AGBL4: variants seen among roughly 807,000 people sequenced by gnomAD.
AGBL4 encodes the protein AGBL carboxypeptidase 4.
Under a neutral mutation model 66.4 loss-of-function variants are expected in AGBL4, and 58 were observed. The ratio of observed to expected loss-of-function variants is 0.87; its 90% CI spans 0.71 to 1.09. The LOEUF (loss-of-function observed/expected upper bound fraction) is 1.09. AGBL4 is among the 50% of genes least tolerant of loss of function. AGBL4 has a pLI of 0.00. For missense variants in AGBL4, 579 were observed against 631.0 expected, an observed-to-expected ratio of 0.92 and a Z score of 0.88; for synonymous variants, 234 against 222.9, an observed-to-expected ratio of 1.05 and a Z score of -0.44.
At chr1:49,166,547 C>T (rs1425688423) in intron 4 of AGBL4, among the ~76,000 whole-genome samples, 1 of 152,118 alleles carries the variant, frequency 6.6e-6, no homozygotes, top group Non-Finnish European at 1.5e-5. Context: ...TTGTAGAAAA[C>T]TTTGCATGGT....
intron 3 of AGBL4, among the ~76,000 whole-genome samples, chr1:49,449,341 G>A (rs1646227520): frequency 6.6e-6 from 1 of 152,030 alleles, no homozygotes; most frequent in African/African-American, 2.4e-5. Context: ...AGTGGTCACA[G>A]TGATATCTGA....
intron 3 of AGBL4, among the ~76,000 whole-genome samples, chr1:49,540,573 T>A (rs939792609): frequency 6.6e-6 from 1 of 152,162 alleles, no homozygotes; most frequent in African/African-American, 2.4e-5. Context: ...AAATGTTTGT[T>A]AAAAGCATAA....
At position 49,523,876 on chromosome 1, in the gene AGBL4, C is replaced by A. The variant is rs140557305; in HGVS notation, c.282+173437G>T. 8.0e-3 allele frequency among the ~76,000 whole-genome samples: 1,211 copies of A among 152,094 alleles called. 49 individuals are homozygous for A. The highest frequency in any genetic ancestry group is 0.059 in the Admixed American group (896 of 15,282). Reference sequence around the variant, plus strand: ...CATGCCTGTCTTTCCAATATCTATACCCACAATGGCTAGCCAAGTGCCAAA... The same window carrying A: ...CATGCCTGTCTTTCCAATATCTATAACCACAATGGCTAGCCAAGTGCCAAA... On this transcript the variant is annotated intron_variant, in intron 3 of 13. Coordinates refer to ENST00000371839, the MANE Select transcript of AGBL4 (RefSeq NM_032785.4).
intron 4 of AGBL4, among the ~76,000 whole-genome samples, chr1:49,238,865 C>T (rs933853508): frequency 6.6e-6 from 1 of 152,092 alleles, no homozygotes; most frequent in Non-Finnish European, 1.5e-5. Context: ...TTTTGGCATA[C>T]ATGTGGCAAA....
At chr1:49,709,448 G>T (rs1162299994) in intron 2 of AGBL4, among the ~76,000 whole-genome samples, 1 of 152,204 alleles carries the variant, frequency 6.6e-6, no homozygotes, top group African/African-American at 2.4e-5. Flanking sequence ...AGATTGCTCT[G>T]TTGGCAGCGA....
At chr1:49,950,009 T>TACACAC (rs371624252) in intron 1 of AGBL4, among the ~76,000 whole-genome samples, 25,556 of 102,632 alleles carry the variant, frequency 0.25, 2,902 homozygotes, top group East Asian at 0.47. Context: ...TATATATATA[T>TACACAC]ACACACACAT....
chr1:48,903,625 C>T (rs1479418542), intron 5 of AGBL4, among the ~76,000 whole-genome samples: 1 of 152,214 alleles, frequency 6.6e-6, no homozygotes, highest in African/African-American at 2.4e-5. Context: ...GCACTGGACA[C>T]TCCTTGTCTT....
chr1:49,146,877 G>A (rs1352493771), intron 4 of AGBL4, among the ~76,000 whole-genome samples: 1 of 152,246 alleles, frequency 6.6e-6, no homozygotes, highest in Admixed American at 6.5e-5. Flanking sequence ...GGCACAGCCT[G>A]GTAGCAGTGA....
chr1:49,695,496 G>C (rs1000162785), intron 3 of AGBL4, among the ~76,000 whole-genome samples: 9 of 152,050 alleles, frequency 5.9e-5, no homozygotes, highest in Non-Finnish European at 1.2e-4. Context: ...GGAACAAGTA[G>C]GACAATCCTA....
chr1:49,136,000 C>G (rs1646003051), intron 4 of AGBL4, among the ~76,000 whole-genome samples: 1 of 152,026 alleles, frequency 6.6e-6, no homozygotes, highest in African/African-American at 2.4e-5. Flanking sequence ...TCTATATTCT[C>G]TAAACTTTTT....
chr1:50,009,672 A>G (rs1206337822), intron 1 of AGBL4, among the ~76,000 whole-genome samples: 2 of 151,772 alleles, frequency 1.3e-5, no homozygotes, highest in African/African-American at 4.8e-5. Flanking sequence ...GAGCAATCAG[A>G]CATGAAAAAA....
At chr1:49,030,565 G>C (rs562205017) in intron 5 of AGBL4, among the ~76,000 whole-genome samples, 1 of 152,060 alleles carries the variant, frequency 6.6e-6, no homozygotes, top group Non-Finnish European at 1.5e-5. Flanking sequence ...GGTGGCATTA[G>C]ATTCTCAAAG....
In AGBL4 at chr1:48,628,786, C is replaced by T. The variant is rs1259134704; in HGVS notation, c.951+5707G>A. Among the ~76,000 whole-genome samples the T allele has an allele frequency of 1.8e-4, 27 of 151,956 alleles. 1 individual carries two copies. Among genetic ancestry groups the T allele is most frequent in the Admixed American group, 1.8e-3 (27 of 15,256 alleles). ...ATTACCAATCTCCAAAGGACCAGTA[C>T]AAATGCAGATTTCTCAAAAAAGCTT... is the stretch of plus-strand genomic sequence containing the variant. On this transcript the variant is annotated intron_variant, in intron 9 of 13. Transcript: ENST00000371839.
At chr1:49,026,102 A>T (rs1319069669) in intron 5 of AGBL4, among the ~76,000 whole-genome samples, 1 of 152,138 alleles carries the variant, frequency 6.6e-6, no homozygotes, top group Admixed American at 6.5e-5. Context: ...GTATATTTAT[A>T]TCTATATGAG....
intron 3 of AGBL4, among the ~76,000 whole-genome samples, chr1:49,294,565 A>C (rs1055802280): frequency 6.6e-6 from 1 of 152,138 alleles, no homozygotes; most frequent in African/African-American, 2.4e-5. Flanking sequence ...CCCAATTTTG[A>C]GTTTAATTGT....
intron 4 of AGBL4, among the ~76,000 whole-genome samples, chr1:49,133,602 T>C (rs958676352): frequency 1.3e-5 from 2 of 152,084 alleles, no homozygotes; most frequent in African/African-American, 4.8e-5. Context: ...ATGTCAAGGG[T>C]GTTGAGAAAC....
chr1:49,749,833 C>T lies in AGBL4; in HGVS notation c.158-52396G>A, dbSNP rs533136049. 4.6e-5 allele frequency among the ~76,000 whole-genome samples: 7 copies of T among 152,204 alleles called. No homozygotes were observed. The East Asian group carries it at 7.7e-4, about 17-fold the overall frequency. On this transcript the variant is annotated intron_variant, in intron 2 of 13. Coordinates refer to ENST00000371839, the MANE Select transcript of AGBL4 (RefSeq NM_032785.4). ...CACAATCAAATTCTGGAAGCCTTTT[C>T]GTAGACATTGATTATCTCATTCTAC...
chr1:50,000,157 AT>A (rs1259795486), intron 1 of AGBL4, among the ~76,000 whole-genome samples: 1 of 152,178 alleles, frequency 6.6e-6, no homozygotes, highest in African/African-American at 2.4e-5. Context: ...GAGAGAAAAT[AT>A]TTGTAATCTA....
intron 6 of AGBL4, among the ~76,000 whole-genome samples, chr1:48,855,721 C>T (rs1004673092): frequency 6.6e-6 from 1 of 151,684 alleles, no homozygotes; most frequent in African/African-American, 2.4e-5. Flanking sequence ...GGCAAAACAT[C>T]TAGAAATAAC....
Sources: allele counts gnomAD v4.1 joint callset (sites outside exome capture counted in the v4.1 genomes callset), GRCh38; gene constraint gnomAD v4.1.1; transcripts MANE v1.5; gene names NCBI Gene and HGNC (gene_info 2026-07-23, HGNC 2026-07-21).